SOS2: variants seen among roughly 807,000 people sequenced by gnomAD.
SOS2 encodes son of sevenless homolog 2.
SOS2 carries 65 observed loss-of-function variants against 148.2 expected under a neutral mutation model. That is an observed-to-expected ratio of 0.44 (90% CI 0.36 to 0.54). The LOEUF (loss-of-function observed/expected upper bound fraction) is 0.54, where lower values mean the gene tolerates loss of function less well. Among genes scored for constraint, SOS2 ranks in the 20% least tolerant of loss-of-function variants. SOS2 has a pLI of 0.00. For missense variants in SOS2, 1,341 were observed against 1,590.2 expected (o/e 0.84, Z 2.67); for synonymous variants, 539 against 537.1 (o/e 1.00, Z -0.05).
At chr14:50,171,212 G>A (rs1885351739) in intron 8 of SOS2, among the ~76,000 whole-genome samples, 1 of 151,928 alleles carries the variant, frequency 6.6e-6, no homozygotes, top group African/African-American at 2.4e-5. Flanking sequence ...GTACAATGGT[G>A]CCATTACTAT....
rs12892681 is a variant in SOS2, at chr14:50,139,716, T to C, written c.2785+226A>G. 0.3 allele frequency among the ~76,000 whole-genome samples: 45,781 copies of C among 152,124 alleles called. 7,880 individuals carry two copies. The highest frequency in any genetic ancestry group is 0.4 in the Middle Eastern group (119 of 294). On this transcript the variant is annotated intron_variant, in intron 17 of 22. Coordinates refer to ENST00000216373, the MANE Select transcript of SOS2 (RefSeq NM_006939.4). ...GAGTGCGTCCTATGTGCTAGACTTA[T>C]TAGGTAGTACAGACAAAATATTTTT...
intron 1 of SOS2, among the ~76,000 whole-genome samples, chr14:50,204,945 G>A (rs77656921): frequency 3.8e-3 from 568 of 148,732 alleles, no homozygotes; most frequent in Non-Finnish European, 6.6e-3. Context: ...GGGATGAGCC[G>A]TTTTTGTTTC....
At chr14:50,147,449 C>T (rs1364771386) in intron 14 of SOS2, among the ~76,000 whole-genome samples, 1 of 145,260 alleles carries the variant, frequency 6.9e-6, no homozygotes, top group Non-Finnish European at 1.5e-5. Context: ...GAGTTCAAGG[C>T]TACAGTGAGC....
chr14:50,186,582 A>G (rs1372084689), intron 5 of SOS2, among the ~76,000 whole-genome samples: 4 of 151,704 alleles, frequency 2.6e-5, no homozygotes, highest in Admixed American at 6.6e-5. Flanking sequence ...GGAGTTCAAG[A>G]CCAACCTGAA....
At chr14:50,204,443 A>T in intron 1 of SOS2, 34 bp from the exon 2 acceptor site, 1 of 1,328,168 alleles carries the variant, frequency 7.5e-7, no homozygotes, top group Non-Finnish European at 1.1e-6. Flanking sequence ...AAGTAATGGC[A>T]AAATAATATA....
intron 16 of SOS2, among the ~76,000 whole-genome samples, chr14:50,143,022 C>T (rs1436364742): frequency 6.6e-6 from 1 of 151,918 alleles, no homozygotes; most frequent in Non-Finnish European, 1.5e-5. Context: ...CTGATATGTG[C>T]AACTAAATAA....
At chr14:50,220,125 G>A (rs1266883912) in intron 1 of SOS2, among the ~76,000 whole-genome samples, 2 of 150,146 alleles carry the variant, frequency 1.3e-5, no homozygotes, top group Non-Finnish European at 3.0e-5. Context: ...ATTGGGCCAG[G>A]CGCGGTGGCT....
chr14:50,184,375 T>C lies in SOS2; in HGVS notation c.715-1769A>G, dbSNP rs546067935. Among the ~76,000 whole-genome samples the C allele has an allele frequency of 3.9e-5, 6 of 152,316 alleles. No individual in the cohort carries two copies. The East Asian group carries it at 1.2e-3, about 29-fold the overall frequency. ...ATAATATGAAACATATTTTTGGTCT[T>C]TGTCCCTGGTTCCTGTCTTAGAGCC... On this transcript the variant is annotated intron_variant, in intron 5 of 22. Coordinates refer to ENST00000216373, the MANE Select transcript of SOS2 (RefSeq NM_006939.4).
chr14:50,208,018 C>T (rs1350173726), intron 1 of SOS2, among the ~76,000 whole-genome samples: 4 of 151,952 alleles, frequency 2.6e-5, no homozygotes, highest in African/African-American at 4.8e-5. Context: ...TTTGTGGGCC[C>T]GGCACGGAGG....
chr14:50,151,088 G>C (rs1297155500), intron 13 of SOS2, among the ~76,000 whole-genome samples: 1 of 151,724 alleles, frequency 6.6e-6, no homozygotes, highest in Non-Finnish European at 1.5e-5. Context: ...TGAACTCCTG[G>C]GCTCAAGTGA....
intron 8 of SOS2, among the ~76,000 whole-genome samples, chr14:50,169,018 A>T (rs1228010825): frequency 6.6e-6 from 1 of 152,236 alleles, no homozygotes; most frequent in Non-Finnish European, 1.5e-5. Context: ...ATTATTTCAA[A>T]GTACATTGTT....
At chr14:50,122,724 A>G (rs1883557127) in intron 21 of SOS2, among the ~76,000 whole-genome samples, 1 of 152,176 alleles carries the variant, frequency 6.6e-6, no homozygotes, top group Non-Finnish European at 1.5e-5. Flanking sequence ...TCTGAATGCA[A>G]TTTAATTGTC....
At chr14:50,193,883 T>C (rs1332156518) in intron 4 of SOS2, among the ~76,000 whole-genome samples, 1 of 152,084 alleles carries the variant, frequency 6.6e-6, no homozygotes, top group Non-Finnish European at 1.5e-5. Flanking sequence ...TAGCTGGGAT[T>C]ATAGGCAATC....
intron 19 of SOS2, 130 bp from the exon 20 acceptor site, chr14:50,130,892 T>G: frequency 1.5e-6 from 1 of 669,058 alleles, no homozygotes. Context: ...TCCTTCAGTC[T>G]GCAATGACAG....
chr14:50,143,599 G>C (rs529261438), intron 16 of SOS2, among the ~76,000 whole-genome samples: 1 of 151,986 alleles, frequency 6.6e-6, no homozygotes, highest in African/African-American at 2.4e-5. Flanking sequence ...ATACCACCAT[G>C]CCTGACTAAT....
At chr14:50,121,529 GGA>G (rs796625228) in intron 21 of SOS2, among the ~76,000 whole-genome samples, 4,415 of 10,758 alleles carry the variant, frequency 0.41, 953 homozygotes, top group African/African-American at 0.56. Context: ...ACTTCCTGGG[GGA>G]GGGGGGGGAG....
At chr14:50,210,102 G>A (rs765191775) in intron 1 of SOS2, among the ~76,000 whole-genome samples, 7 of 152,178 alleles carry the variant, frequency 4.6e-5, no homozygotes, top group Non-Finnish European at 7.3e-5. Context: ...AAAGTCATAT[G>A]TCTGTAAGGA....
intron 18 of SOS2, among the ~76,000 whole-genome samples, chr14:50,138,217 C>T (rs976883249): frequency 5.3e-5 from 8 of 151,888 alleles, no homozygotes; most frequent in Admixed American, 6.6e-5. Flanking sequence ...AGTGCAGTGG[C>T]GCTATCTCGG....
At chr14:50,160,152 A>T in intron 9 of SOS2, 66 bp from the exon 10 acceptor site, 2 of 1,241,986 alleles carry the variant, frequency 1.6e-6, no homozygotes, top group Non-Finnish European at 2.2e-6. Flanking sequence ...AGCATAAACC[A>T]TCTCAAATCA....
Sources: gnomAD v4.1 joint callset for allele counts (sites outside exome capture counted in the v4.1 genomes callset) on GRCh38, gnomAD v4.1.1 for gene constraint, MANE v1.5 for transcripts, NCBI Gene and HGNC (gene_info 2026-07-23, HGNC 2026-07-21) for gene names.